NEDD4L: variants seen among roughly 807,000 people sequenced by gnomAD.
NEDD4L encodes NEDD4 like E3 ubiquitin protein ligase, also known as E3 ubiquitin-protein ligase NEDD4-like.
Under a neutral mutation model 148.9 loss-of-function variants are expected in NEDD4L, and 54 were observed. The ratio of observed to expected loss-of-function variants is 0.36; its 90% CI spans 0.29 to 0.45. The LOEUF (loss-of-function observed/expected upper bound fraction) is 0.45, where lower values mean the gene tolerates loss of function less well. Among genes scored for constraint, NEDD4L ranks in the 20% least tolerant of loss-of-function variants. The probability of loss-of-function intolerance (pLI) is 1.00; values close to 1 mark genes in which losing one functional copy is unlikely to be tolerated. For missense variants in NEDD4L, 856 were observed against 1,233.8 expected, an observed-to-expected ratio of 0.69 and a Z score of 4.59; for synonymous variants, 433 against 440.7, an observed-to-expected ratio of 0.98 and a Z score of 0.22.
intron 19 of NEDD4L, among the ~76,000 whole-genome samples, chr18:58,362,212 G>A (rs2045581507): frequency 6.6e-6 from 1 of 152,216 alleles, no homozygotes; most frequent in African/African-American, 2.4e-5. Flanking sequence ...TCTGCTCCTT[G>A]GGGAATTTGT....
Position 58,395,083 on chromosome 18 carries a change from C to T in NEDD4L, c.2826-1084C>T, listed in dbSNP as rs373269919. 5.3e-5 allele frequency among the ~76,000 whole-genome samples: 8 copies of T among 152,276 alleles called. No homozygotes were observed. In the East Asian group the frequency reaches 9.6e-4, roughly 18 times the overall value. ...GAAATAGGGGTGAAGCATTAGCTGC[C>T]TTACAAAGTGATTGCCAGGGTTCAT... On this transcript the variant is annotated intron_variant, in intron 30 of 30. Coordinates refer to ENST00000400345, the MANE Select transcript of NEDD4L (RefSeq NM_001144967.3).
In NEDD4L at chr18:58,396,630, T is replaced by A. The variant is rs2050509079; in HGVS notation, c.*361T>A. 2 of 157,272 alleles carry A rather than the reference T, an allele frequency of 1.3e-5. No homozygotes were observed. The allele number at this position is 157,272 out of a possible 1,614,324, so 9.7% of individuals were successfully genotyped here. A position where few individuals can be genotyped will look rare whatever the true frequency, so the allele number is the denominator to read the frequency against. On this transcript the variant is annotated 3_prime_UTR_variant, in exon 31 of 31. Transcript: ENST00000400345. ...ACAGGTATAGTATTACGACTCATGT[T>A]TACTTTTTAAAATGATTTAGACCGA...
intron 1 of NEDD4L, among the ~76,000 whole-genome samples, chr18:58,114,300 G>C (rs1322625322): frequency 6.6e-6 from 1 of 151,950 alleles, no homozygotes; most frequent in African/African-American, 2.4e-5. Context: ...AGCATTTGTA[G>C]GGTAAAGGTG....
chr18:58,246,757 G>C (rs2047308751), intron 3 of NEDD4L, among the ~76,000 whole-genome samples: 1 of 152,134 alleles, frequency 6.6e-6, no homozygotes, highest in African/African-American at 2.4e-5. Context: ...GAGCCACTGT[G>C]CCTAGCCAAT....
chr18:58,314,820 A>C (rs985770788), intron 5 of NEDD4L, among the ~76,000 whole-genome samples: 1 of 152,218 alleles, frequency 6.6e-6, no homozygotes, highest in African/African-American at 2.4e-5. Flanking sequence ...CAGTTCATCA[A>C]ATTTTTTCAA....
chr18:58,197,550 C>A (rs1469081990), intron 2 of NEDD4L, among the ~76,000 whole-genome samples: 1 of 152,186 alleles, frequency 6.6e-6, no homozygotes, highest in East Asian at 1.9e-4. Context: ...TGCGAACTCT[C>A]ACCTCTTGCC....
intron 29 of NEDD4L, 122 bp from the exon 30 acceptor site, chr18:58,391,365 T>C: frequency 1.4e-6 from 1 of 729,468 alleles, no homozygotes; most frequent in Non-Finnish European, 2.5e-6. Context: ...CAGAAGAGAG[T>C]GTCTTGGGCC....
At chr18:58,231,562 G>GTGGTTT (rs1028613331) in intron 2 of NEDD4L, among the ~76,000 whole-genome samples, 4 of 151,914 alleles carry the variant, frequency 2.6e-5, no homozygotes, top group Non-Finnish European at 5.9e-5. Flanking sequence ...TTATTGACAA[G>GTGGTTT]TGGTTTTGTT....
At chr18:58,396,114 A>T in intron 30 of NEDD4L, 53 bp from the exon 31 acceptor site, 1 of 1,205,220 alleles carries the variant, frequency 8.3e-7, no homozygotes, top group South Asian at 1.3e-5. Flanking sequence ...TATTAACCAG[A>T]TCGAGGAAGT....
At chr18:58,391,419 A>C in intron 29 of NEDD4L, 68 bp from the exon 30 acceptor site, 2 of 1,293,728 alleles carry the variant, frequency 1.5e-6, no homozygotes, top group Non-Finnish European at 2.2e-6. Flanking sequence ...GCTGGACTGC[A>C]GACCACACCA....
intron 1 of NEDD4L, among the ~76,000 whole-genome samples, chr18:58,051,703 TG>T (rs1300750230): frequency 2.6e-5 from 4 of 152,220 alleles, no homozygotes; most frequent in African/African-American, 9.6e-5. Context: ...TCAAGCTTTT[TG>T]ATGTTGCAGG....
intron 2 of NEDD4L, among the ~76,000 whole-genome samples, chr18:58,222,676 C>T (rs142672709): frequency 5.7e-4 from 87 of 152,166 alleles, no homozygotes; most frequent in African/African-American, 2.0e-3. Context: ...ATTAATGAGC[C>T]GGGTTACTTT....
chr18:58,128,848 G>A, intron 1 of NEDD4L, among the ~76,000 whole-genome samples: 1 of 152,176 alleles, frequency 6.6e-6, no homozygotes, highest in Admixed American at 6.5e-5. Context: ...CTTGGCCTTT[G>A]GATTGCTGAC....
chr18:58,336,820 C>A (rs1014976232), intron 13 of NEDD4L, among the ~76,000 whole-genome samples: 8 of 152,148 alleles, frequency 5.3e-5, no homozygotes, highest in African/African-American at 1.9e-4. Context: ...AGTGAGGCAG[C>A]CTCCAGTAGA....
At chr18:58,190,552 A>G (rs1238328596) in intron 2 of NEDD4L, among the ~76,000 whole-genome samples, 2 of 152,184 alleles carry the variant, frequency 1.3e-5, no homozygotes, top group Admixed American at 1.3e-4. Flanking sequence ...TAATGCCCTA[A>G]TGTATTAGTA....
At chr18:58,387,550 T>C in intron 27 of NEDD4L, 52 bp downstream of exon 27, 2 of 1,429,504 alleles carry the variant, frequency 1.4e-6, no homozygotes, top group Non-Finnish European at 1.9e-6. Context: ...AAAGTATCTC[T>C]CATTACTTTA....
chr18:58,237,014 A>G (rs2046108780), intron 2 of NEDD4L, among the ~76,000 whole-genome samples: 1 of 150,894 alleles, frequency 6.6e-6, no homozygotes, highest in Non-Finnish European at 1.5e-5. Context: ...CAATAGCGAA[A>G]CTCCATCTCA....
At chr18:58,376,825 C>T (rs545404921) in intron 24 of NEDD4L, among the ~76,000 whole-genome samples, 1 of 152,338 alleles carries the variant, frequency 6.6e-6, no homozygotes, top group East Asian at 1.9e-4. Flanking sequence ...CCCTGCTCCT[C>T]CTCCAGACTC....
chr18:58,336,087 G>A (rs2041714708), intron 13 of NEDD4L: 1 of 152,636 alleles, frequency 6.6e-6, no homozygotes, highest in South Asian at 2.1e-4. Context: ...AATTCCAAGG[G>A]AACATAATTA....
Sources: gnomAD v4.1 joint callset for allele counts (sites outside exome capture counted in the v4.1 genomes callset) on GRCh38, gnomAD v4.1.1 for gene constraint, MANE v1.5 for transcripts, NCBI Gene and HGNC (gene_info 2026-07-23, HGNC 2026-07-21) for gene names.